The following CNTNAP2 variants were observed in gnomAD, a reference collection of about 807,000 sequenced individuals.
CNTNAP2 encodes contactin associated protein 2, also known as contactin-associated protein-like 2.
Under a neutral mutation model 155.2 loss-of-function variants are expected in CNTNAP2, and 98 were observed. The observed-to-expected ratio is 0.63, with a 90% CI of 0.54 to 0.75. The LOEUF is 0.75. Among genes scored for constraint, CNTNAP2 ranks in the 30% least tolerant of loss-of-function variants. CNTNAP2 has a pLI of 0.00. For synonymous variants in CNTNAP2, 651 were observed against 631.2 expected, an observed-to-expected ratio of 1.03 and a Z score of -0.47; for missense variants, 1,727 against 1,688.1, an observed-to-expected ratio of 1.02 and a Z score of -0.40.
At chr7:147,547,956 G>A (rs1317662990) in intron 11 of CNTNAP2, among the ~76,000 whole-genome samples, 3 of 152,164 alleles carry the variant, frequency 2.0e-5, no homozygotes, top group African/African-American at 7.2e-5. Context: ...TTTTATGGCT[G>A]TGTAGTATTC....
intron 18 of CNTNAP2, among the ~76,000 whole-genome samples, chr7:148,206,621 G>T (rs1158103169): frequency 3.3e-5 from 5 of 152,168 alleles, no homozygotes; most frequent in South Asian, 2.1e-4. Context: ...TCCTGACGCT[G>T]ACTGCACATT....
Position 146,227,657 on chromosome 7 carries a change from C to T in CNTNAP2, c.97+110684C>T, listed in dbSNP as rs1009854863. Among the ~76,000 whole-genome samples, 8 of 151,880 alleles carry T rather than the reference C, an allele frequency of 5.3e-5. No individual in the cohort carries two copies. The East Asian group carries it at 5.8e-4, about 11-fold the overall frequency. On this transcript the variant is annotated intron_variant, in intron 1 of 23. Coordinates refer to ENST00000361727, the MANE Select transcript of CNTNAP2 (RefSeq NM_014141.6). ...GAAAGAAAGTGTCAATAAAAATAAC[C>T]GGAAGAGTGCAGAGAACAGGTGTAG...
At chr7:148,322,028 G>A (rs1013684350) in intron 21 of CNTNAP2, among the ~76,000 whole-genome samples, 4 of 149,786 alleles carry the variant, frequency 2.7e-5, no homozygotes, top group Admixed American at 1.3e-4. Context: ...CTCAGCACCC[G>A]TCCCCCTCCC....
chr7:146,985,308 ATTTTTTTTTTTTT>A (rs71165057), intron 3 of CNTNAP2, among the ~76,000 whole-genome samples: 2,639 of 127,820 alleles, frequency 0.021, 37 homozygotes, highest in South Asian at 0.038. Context: ...AAATGCTTGA[ATTTTTTTTTTTTT>A]TTTTTTTTTT....
chr7:147,132,024 T>C (rs969354198), intron 7 of CNTNAP2, among the ~76,000 whole-genome samples: 6 of 152,140 alleles, frequency 3.9e-5, no homozygotes, highest in Non-Finnish European at 7.4e-5. Flanking sequence ...CTGCTTGTTA[T>C]AGTTAGACAG....
intron 10 of CNTNAP2, among the ~76,000 whole-genome samples, chr7:147,429,241 T>G (rs755271497): frequency 3.3e-5 from 5 of 151,804 alleles, no homozygotes; most frequent in Non-Finnish European, 7.4e-5. Flanking sequence ...CAATTGCAGA[T>G]TGTCATTTTT....
At chr7:147,856,138 C>G (rs1799033855) in intron 13 of CNTNAP2, among the ~76,000 whole-genome samples, 1 of 152,116 alleles carries the variant, frequency 6.6e-6, no homozygotes, top group African/African-American at 2.4e-5. Flanking sequence ...TTTCTCAGTT[C>G]TTCAACCGGC....
intron 1 of CNTNAP2, among the ~76,000 whole-genome samples, chr7:146,475,566 A>T (rs1796865785): frequency 6.6e-6 from 1 of 152,150 alleles, no homozygotes; most frequent in African/African-American, 2.4e-5. Flanking sequence ...TATAATGATG[A>T]AATTGAAGTT....
intron 2 of CNTNAP2, among the ~76,000 whole-genome samples, chr7:146,805,318 A>T (rs1200443481): frequency 6.6e-6 from 1 of 152,174 alleles, no homozygotes; most frequent in Non-Finnish European, 1.5e-5. Context: ...AAACTTATAA[A>T]TACATAAATC....
rs542449166 is a variant in CNTNAP2 at position 146,559,500 on chromosome 7, C to T, written c.98-214771C>T. Among the ~76,000 whole-genome samples the T allele has an allele frequency of 6.6e-5, 10 of 151,708 alleles. 1 individual carries two copies. In the Middle Eastern group the frequency reaches 0.017, roughly 258 times the overall value. On this transcript the variant is annotated intron_variant, in intron 1 of 23. Coordinates refer to ENST00000361727, the MANE Select transcript of CNTNAP2 (RefSeq NM_014141.6). Reference sequence around the variant, plus strand: ...GGAGAATCACTTGAACCCGGGAGTGCGGAGGATGCAGGGAGCCGAGATCAC... The same window carrying T: ...GGAGAATCACTTGAACCCGGGAGTGTGGAGGATGCAGGGAGCCGAGATCAC...
chr7:146,486,756 A>G (rs1797064492), intron 1 of CNTNAP2, among the ~76,000 whole-genome samples: 2 of 152,206 alleles, frequency 1.3e-5, no homozygotes, highest in Non-Finnish European at 2.9e-5. Flanking sequence ...CTTTTGGGAG[A>G]GCCAAGAGAG....
chr7:147,721,486 C>G (rs1224304233), intron 13 of CNTNAP2, among the ~76,000 whole-genome samples: 1 of 151,992 alleles, frequency 6.6e-6, no homozygotes, highest in African/African-American at 2.4e-5. Context: ...CTTTTCACTC[C>G]CCTTTGCTCT....
chr7:147,284,627 A>G (rs1805135588), intron 8 of CNTNAP2, among the ~76,000 whole-genome samples: 1 of 151,900 alleles, frequency 6.6e-6, no homozygotes, highest in African/African-American at 2.4e-5. Context: ...TTTATAATCC[A>G]CAAAAAGACT....
chr7:146,958,683 G>C (rs1797492174), intron 3 of CNTNAP2, among the ~76,000 whole-genome samples: 1 of 151,848 alleles, frequency 6.6e-6, no homozygotes, highest in Admixed American at 6.6e-5. Context: ...AAAGTGCTGG[G>C]ATTACAGGTG....
At chr7:146,484,285 A>C (rs1445163437) in intron 1 of CNTNAP2, among the ~76,000 whole-genome samples, 1 of 152,152 alleles carries the variant, frequency 6.6e-6, no homozygotes, top group Non-Finnish European at 1.5e-5. Context: ...TTCTCAGAAT[A>C]TTTTCCCACT....
At chr7:148,141,680 A>T (rs573271646) in intron 16 of CNTNAP2, among the ~76,000 whole-genome samples, 1 of 152,366 alleles carries the variant, frequency 6.6e-6, no homozygotes, top group East Asian at 1.9e-4. Context: ...ATATTATTCC[A>T]GATAGTGATA....
intron 22 of CNTNAP2, among the ~76,000 whole-genome samples, chr7:148,397,881 T>C (rs1273471066): frequency 6.6e-6 from 1 of 152,240 alleles, no homozygotes; most frequent in Non-Finnish European, 1.5e-5. Flanking sequence ...GCAAAACTAG[T>C]TGTCTTGTGA....
At chr7:147,251,961 T>C (rs115426276) in intron 8 of CNTNAP2, among the ~76,000 whole-genome samples, 1 of 151,860 alleles carries the variant, frequency 6.6e-6, no homozygotes, top group Non-Finnish European at 1.5e-5. Flanking sequence ...GTTTGGGGAT[T>C]AATAAAAAAA....
At chr7:147,281,927 T>G (rs1209784173) in intron 8 of CNTNAP2, among the ~76,000 whole-genome samples, 1 of 151,746 alleles carries the variant, frequency 6.6e-6, no homozygotes, top group Non-Finnish European at 1.5e-5. Flanking sequence ...CTACTGGAGT[T>G]TACCACCCTC....
Sources: allele counts gnomAD v4.1 joint callset (sites outside exome capture counted in the v4.1 genomes callset), GRCh38; gene constraint gnomAD v4.1.1; transcripts MANE v1.5; gene names NCBI Gene and HGNC (gene_info 2026-07-23, HGNC 2026-07-21).